The following TCF15 variants were observed in gnomAD, a reference collection of about 807,000 sequenced individuals.
TCF15 encodes the protein transcription factor 15.
In TCF15, 7 loss-of-function variants were observed where a neutral mutation model predicts 11.1. The ratio of observed to expected loss-of-function variants is 0.63; its 90% CI spans 0.36 to 1.19. The LOEUF is 1.19. TCF15 is among the 50% of genes most tolerant of loss of function. TCF15 has a pLI of 0.02. For synonymous variants in TCF15, 144 were observed against 138.9 expected, an observed-to-expected ratio of 1.04 and a Z score of -0.26; for missense variants, 288 against 289.4, an observed-to-expected ratio of 1.00 and a Z score of 0.03.
intron 1 of TCF15, among the ~76,000 whole-genome samples, chr20:605,484 A>G (rs1462309788): frequency 6.6e-6 from 1 of 152,200 alleles, no homozygotes; most frequent in Non-Finnish European, 1.5e-5. Context: ...TTCCATGGGG[A>G]TGAATCTCAG....
chr20:605,806 T>G (rs1192889726), intron 1 of TCF15, among the ~76,000 whole-genome samples: 1 of 152,216 alleles, frequency 6.6e-6, no homozygotes, highest in African/African-American at 2.4e-5. Flanking sequence ...TCACAGATGT[T>G]AAAGCACCCC....
intron 1 of TCF15, among the ~76,000 whole-genome samples, chr20:607,221 C>A (rs2019982965): frequency 6.6e-6 from 1 of 152,220 alleles, no homozygotes; most frequent in Non-Finnish European, 1.5e-5. Flanking sequence ...CCAATCCTCA[C>A]CCCCAGGTGA....
chr20:604,586 C>A lies in TCF15; in HGVS notation c.*5G>T. 6.4e-7 allele frequency: 1 copy of A among 1,552,284 alleles called. No homozygotes were observed. The highest frequency in any genetic ancestry group is 8.7e-7 in the Non-Finnish European group (1 of 1,147,372). On this transcript the variant is annotated 3_prime_UTR_variant, in exon 2 of 2. Transcript: ENST00000246080. The surrounding 1 kb of genome is among the most constrained non-coding windows in gnomAD (Gnocchi z 4.2). ...GCTCCTGGCCTCCTTCTCCAGGGTC[C>A]AGGCTCATCTCCGTGGCCCTCGAAG...
At chr20:605,594 C>T (rs1408097843) in intron 1 of TCF15, among the ~76,000 whole-genome samples, 1 of 152,216 alleles carries the variant, frequency 6.6e-6, no homozygotes, top group Non-Finnish European at 1.5e-5. Context: ...CCATTTCCAG[C>T]CTGGGCTCTC....
At chr20:608,696 T>C (rs1438151098) in intron 1 of TCF15, among the ~76,000 whole-genome samples, 2 of 151,554 alleles carry the variant, frequency 1.3e-5, no homozygotes, top group Non-Finnish European at 2.9e-5. Flanking sequence ...CAGCAGGGAG[T>C]CAGGGGCCTA....
chr20:604,488 G>C lies in TCF15; in HGVS notation c.*103C>G. 9.2e-7 allele frequency: 1 copy of C among 1,085,148 alleles called. No homozygotes were observed. Among genetic ancestry groups the C allele is most frequent in the Non-Finnish European group, 1.4e-6 (1 of 724,512 alleles). 67.2% of individuals were successfully genotyped at this position (1,085,148 alleles called of 1,614,324 possible). The stretch of plus-strand genomic sequence containing the variant: ...CCAGAGTGTCCCGGAACAGGCCATG[G>C]TCCCCCGGTCCCTACACAAAGAAGG... On this transcript the variant is annotated 3_prime_UTR_variant, in exon 2 of 2. Transcript: ENST00000246080. The surrounding 1 kb of genome is among the most constrained non-coding windows in gnomAD (Gnocchi z 4.2).
chr20:606,220 ACT>A (rs1289180941), intron 1 of TCF15, among the ~76,000 whole-genome samples: 1 of 152,168 alleles, frequency 6.6e-6, no homozygotes, highest in African/African-American at 2.4e-5. Flanking sequence ...TCTCAGACAA[ACT>A]CTGGCAGGAG....
At chr20:608,028 A>C (rs1232096553) in intron 1 of TCF15, among the ~76,000 whole-genome samples, 1 of 152,130 alleles carries the variant, frequency 6.6e-6, no homozygotes, top group African/African-American at 2.4e-5. Flanking sequence ...TCTAGGCCTG[A>C]GCTCTTGCTG....
intron 1 of TCF15, among the ~76,000 whole-genome samples, chr20:608,516 C>A (rs1001191637): frequency 3.3e-5 from 5 of 152,338 alleles, no homozygotes; most frequent in Admixed American, 2.0e-4. Context: ...GGAGAGGGCA[C>A]AAGCCTGAGG....
intron 1 of TCF15, among the ~76,000 whole-genome samples, chr20:607,344 T>C (rs1797465397): frequency 6.6e-6 from 1 of 152,228 alleles, no homozygotes; most frequent in Non-Finnish European, 1.5e-5. Flanking sequence ...TACAGGAAAC[T>C]GTTTCCACGG....
chr20:608,150 G>A (rs1458829523), intron 1 of TCF15, among the ~76,000 whole-genome samples: 1 of 152,142 alleles, frequency 6.6e-6, no homozygotes, highest in Non-Finnish European at 1.5e-5. Flanking sequence ...CCCTGGGTTG[G>A]AGGCTTTCTC....
At position 604,270 on chromosome 20, in the gene TCF15, T is replaced by C. The variant is rs1299757791; in HGVS notation, c.*321A>G. On this transcript the variant is annotated 3_prime_UTR_variant, in exon 2 of 2. Coordinates refer to ENST00000246080, the MANE Select transcript of TCF15 (RefSeq NM_004609.4). The surrounding 1 kb of genome is among the most constrained non-coding windows in gnomAD (Gnocchi z 4.2). ...CAGAACGACGTCTTTTATTTAAAAA[T>C]AGCTTTTATTTTAAACTCACCAATT... 3 of 389,296 alleles carry C rather than the reference T, an allele frequency of 7.7e-6. No individual in the cohort carries two copies. The highest frequency in any genetic ancestry group is 6.0e-5 in the East Asian group (1 of 16,606). 24.1% of individuals were successfully genotyped at this position (389,296 alleles called of 1,614,324 possible).
chr20:610,294 T>TGCGCTCCCGC lies in TCF15; in HGVS notation c.-67_-58dup, dbSNP rs1249541797. ...TCCCAGCGTCGGCCGCGCCCCGCCG[T>TGCGCTCCCGC]GCGCTCCCGCGCGCTCCCACGGCCC... On this transcript the variant is annotated 5_prime_UTR_variant, in exon 1 of 2. Coordinates refer to ENST00000246080, the MANE Select transcript of TCF15 (RefSeq NM_004609.4). The TGCGCTCCCGC allele has an allele frequency of 4.1e-6, 4 of 985,236 alleles. No homozygotes were observed. Among genetic ancestry groups the TGCGCTCCCGC allele is most frequent in the South Asian group, 4.5e-5 (1 of 21,992 alleles). 61.0% of individuals were successfully genotyped at this position (985,236 alleles called of 1,614,324 possible).
chr20:605,507 G>T (rs1185427343), intron 1 of TCF15, among the ~76,000 whole-genome samples: 1 of 152,244 alleles, frequency 6.6e-6, no homozygotes, highest in African/African-American at 2.4e-5. Context: ...GGACAAGGCA[G>T]GGTCTCTCCT....
At chr20:607,686 A>G (rs1052967038) in intron 1 of TCF15, among the ~76,000 whole-genome samples, 3 of 152,224 alleles carry the variant, frequency 2.0e-5, no homozygotes, top group Non-Finnish European at 4.4e-5. Context: ...TGAGACCTGC[A>G]GAGAAGTCCC....
At position 604,498 on chromosome 20, in the gene TCF15, C is replaced by A; in HGVS notation, c.*93G>T. ...CCGGAACAGGCCATGGTCCCCCGGT[C>A]CCTACACAAAGAAGGGGTGGGCTTG... On this transcript the variant is annotated 3_prime_UTR_variant, in exon 2 of 2. Transcript: ENST00000246080. This position sits in a 1 kb window ranked among gnomAD's most constrained non-coding sequence, Gnocchi z 4.2. 1.7e-6 allele frequency: 2 copies of A among 1,181,072 alleles called. No individual in the cohort carries two copies. The highest frequency in any genetic ancestry group is 2.6e-5 in the East Asian group (1 of 39,178). 73.2% of individuals were successfully genotyped at this position (1,181,072 alleles called of 1,614,324 possible).
chr20:605,687 G>A (rs976025956), intron 1 of TCF15, among the ~76,000 whole-genome samples: 5 of 152,160 alleles, frequency 3.3e-5, no homozygotes, highest in African/African-American at 7.2e-5. Context: ...GGCTAATGGC[G>A]GCAGTCCCTG....
intron 1 of TCF15, among the ~76,000 whole-genome samples, chr20:608,581 G>A (rs909215015): frequency 6.6e-6 from 1 of 152,246 alleles, no homozygotes; most frequent in Non-Finnish European, 1.5e-5. Context: ...GAGCAACCAG[G>A]CTGGATATCT....
chr20:607,649 A>G (rs935880790), intron 1 of TCF15, among the ~76,000 whole-genome samples: 2 of 152,192 alleles, frequency 1.3e-5, no homozygotes, highest in Non-Finnish European at 2.9e-5. Context: ...GGCCCAGGGG[A>G]GGCCCCTGTG....
Sources: gnomAD v4.1 joint callset for allele counts (sites outside exome capture counted in the v4.1 genomes callset) on GRCh38, gnomAD v4.1.1 for gene constraint, Gnocchi (gnomAD v3.1) non-coding constraint, MANE v1.5 for transcripts, NCBI Gene and HGNC (gene_info 2026-07-23, HGNC 2026-07-21) for gene names.